NEBL: variants seen among roughly 807,000 people sequenced by gnomAD.
NEBL encodes the protein LIM and SH3 protein 2.
Under a neutral mutation model 140.2 loss-of-function variants are expected in NEBL, and 122 were observed. The observed-to-expected ratio is 0.87, with a 90% CI of 0.75 to 1.01. The LOEUF (loss-of-function observed/expected upper bound fraction) is 1.01. Among genes scored for constraint, NEBL ranks in the 50% least tolerant of loss-of-function variants. The pLI is 0.00. For synonymous variants in NEBL, 436 were observed against 398.9 expected (o/e 1.09, Z -1.11); for missense variants, 1,365 against 1,231.3 (o/e 1.11, Z -1.62).
rs1445128576 is a variant in NEBL, at chr10:20,831,480, G to A, written c.1553C>T (p.Ala518Val). 3 of 1,604,758 alleles carry A rather than the reference G, an allele frequency of 1.9e-6. No homozygotes were observed. In the East Asian group the frequency reaches 6.7e-5, roughly 36 times the overall value. ...ATCTTGCTGCTGTCTTACCTGGCTG[G>A]CCATCTCGGATGCTTTCTTAGCTCT... ...VQRAKKASEM[A>V]SQKQYKKDLE... The change falls in exon 15 of 28, where the codon GCC becomes GTC. Residue 518 changes from alanine to valine, a missense_variant. This residue lies in a region of NEBL where 1,323 missense variants were observed against 1,154.8 expected (regional missense o/e 1.15). Transcript: ENST00000377122.
chr10:21,180,213 G>A (rs927002690), intron 3 of NEBL, among the ~76,000 whole-genome samples: 3 of 152,034 alleles, frequency 2.0e-5, no homozygotes, highest in African/African-American at 7.2e-5. Context: ...ATGCCCCTCA[G>A]AACTGTGAGA....
chr10:21,089,809 C>T (rs1270132825), intron 2 of NEBL, among the ~76,000 whole-genome samples: 2 of 150,334 alleles, frequency 1.3e-5, no homozygotes, highest in Admixed American at 6.6e-5. Flanking sequence ...AGTCCCCATT[C>T]GAGTTAAAAT....
intron 1 of NEBL, among the ~76,000 whole-genome samples, chr10:21,270,961 G>A (rs1177584841): frequency 6.6e-6 from 1 of 152,166 alleles, no homozygotes; most frequent in African/African-American, 2.4e-5. Flanking sequence ...AAAACAGTAT[G>A]TCAGTTCCTC....
chr10:20,963,621 C>T (rs1836157632), intron 3 of NEBL, among the ~76,000 whole-genome samples: 2 of 152,124 alleles, frequency 1.3e-5, no homozygotes, highest in African/African-American at 4.8e-5. Context: ...TCTTGAACTC[C>T]TGGCCTCAAG....
intron 3 of NEBL, among the ~76,000 whole-genome samples, chr10:20,980,390 GA>G (rs10715435): frequency 0.17 from 24,605 of 148,972 alleles, 3,470 homozygotes; most frequent in East Asian, 0.39. Context: ...ACCAGAAAAA[GA>G]AAAAAAAATA....
At chr10:21,036,716 A>T (rs1834029968) in intron 2 of NEBL, among the ~76,000 whole-genome samples, 1 of 152,030 alleles carries the variant, frequency 6.6e-6, no homozygotes, top group Non-Finnish European at 1.5e-5. Flanking sequence ...TTCCTCCAGC[A>T]GAAGAGGCAT....
At chr10:20,884,937 ACT>A (rs1846358508) in intron 4 of NEBL, among the ~76,000 whole-genome samples, 1 of 151,812 alleles carries the variant, frequency 6.6e-6, no homozygotes, top group African/African-American at 2.4e-5. Flanking sequence ...CCTCCTAAAA[ACT>A]CTACATCTCT....
intron 2 of NEBL, among the ~76,000 whole-genome samples, chr10:21,096,769 C>T (rs547090776): frequency 1.1e-4 from 16 of 152,290 alleles, no homozygotes; most frequent in African/African-American, 3.8e-4. Context: ...CCTCCCTCAG[C>T]TGCGACAGGA....
chr10:21,163,550 C>A (rs148944854), intron 2 of NEBL, among the ~76,000 whole-genome samples: 1 of 152,280 alleles, frequency 6.6e-6, no homozygotes, highest in East Asian at 1.9e-4. Context: ...CATTGGCAGG[C>A]AACCTTCTAA....
At chr10:21,004,389 T>C (rs1838032495) in intron 3 of NEBL, among the ~76,000 whole-genome samples, 1 of 152,160 alleles carries the variant, frequency 6.6e-6, no homozygotes, top group South Asian at 2.1e-4. Context: ...GGGACGACGT[T>C]CTATGGAACT....
chr10:21,019,148 C>A (rs1838678829), intron 3 of NEBL, among the ~76,000 whole-genome samples: 1 of 152,180 alleles, frequency 6.6e-6, no homozygotes, highest in Non-Finnish European at 1.5e-5. Context: ...TCTCAGGGAC[C>A]ATCATTATCA....
intron 2 of NEBL, among the ~76,000 whole-genome samples, chr10:21,063,116 G>A (rs939451974): frequency 2.6e-5 from 4 of 152,100 alleles, no homozygotes; most frequent in Non-Finnish European, 4.4e-5. Flanking sequence ...CATAACTGCG[G>A]GTGCTCCATT....
intron 2 of NEBL, among the ~76,000 whole-genome samples, chr10:20,896,031 T>C (rs1455897989): frequency 6.6e-6 from 1 of 152,214 alleles, no homozygotes; most frequent in Admixed American, 6.5e-5. Context: ...GCCAGACCAC[T>C]ACCCTCCTGC....
chr10:20,837,481 G>A (rs1037362377), intron 13 of NEBL, among the ~76,000 whole-genome samples: 1 of 152,200 alleles, frequency 6.6e-6, no homozygotes. Context: ...GCAGAGGTTG[G>A]TTCATGAGGT....
At chr10:20,975,208 T>C (rs1384579279) in intron 3 of NEBL, among the ~76,000 whole-genome samples, 1 of 152,204 alleles carries the variant, frequency 6.6e-6, no homozygotes, top group African/African-American at 2.4e-5. Flanking sequence ...AGAACTGGAC[T>C]TTATAATTAC....
chr10:20,954,265 C>G (rs1589069549), intron 4 of NEBL, among the ~76,000 whole-genome samples: 1 of 152,170 alleles, frequency 6.6e-6, no homozygotes, highest in African/African-American at 2.4e-5. Context: ...GAAATTCACA[C>G]AAGGCCAGGA....
At position 20,798,872 on chromosome 10, in the gene NEBL, A is replaced by C. The variant is rs540619142; in HGVS notation, c.2761+9638T>G. Among the ~76,000 whole-genome samples, 10 of 152,350 alleles carry C rather than the reference A, an allele frequency of 6.6e-5. No homozygotes were observed. In the South Asian group the frequency reaches 1.9e-3, roughly 28 times the overall value. On this transcript the variant is annotated intron_variant, in intron 26 of 27. Transcript: ENST00000377122. ...CATTCTAGAACAAGTGCTATTCATT[A>C]GTATTTGATCCTTTCCCCAACTTCA...
In NEBL at chr10:21,060,995, T is replaced by A. The variant is rs117659071; in HGVS notation, c.165-40794A>T. On this transcript the variant is annotated intron_variant, in intron 2 of 6. Transcript: ENST00000417816. ...AACTGTGCCCCCGAGAAAGATTTGT[T>A]GAAGTCCTAACACCAGGTGCCTGGA... Among the ~76,000 whole-genome samples, 1,111 of 152,018 alleles carry A rather than the reference T, an allele frequency of 7.3e-3. 40 individuals are homozygous for A. The East Asian group carries it at 0.089, about 12-fold the overall frequency.
chr10:21,105,432 C>T (rs1046884754), intron 2 of NEBL, among the ~76,000 whole-genome samples: 14 of 151,968 alleles, frequency 9.2e-5, no homozygotes, highest in Admixed American at 5.9e-4. Context: ...TGAGAACATG[C>T]GGTGTTTGGT....
Sources: gnomAD v4.1 joint callset for allele counts (sites outside exome capture counted in the v4.1 genomes callset) on GRCh38, gnomAD v4.1.1 for gene constraint, gnomAD v4.1.1 regional missense constraint, MANE v1.5 for transcripts, NCBI Gene and HGNC (gene_info 2026-07-23, HGNC 2026-07-21) for gene names.